The following TENM1 variants were observed in gnomAD, a reference collection of about 807,000 sequenced individuals.
TENM1 encodes teneurin-1.
In TENM1, 35 loss-of-function variants were observed where a neutral mutation model predicts 174.8. The ratio of observed to expected loss-of-function variants is 0.20; its 90% CI spans 0.15 to 0.27. TENM1 has a LOEUF of 0.27. Ranked by LOEUF, TENM1 falls within the 10% of genes least tolerant of loss-of-function variation. TENM1 has a pLI of 1.00. For missense variants in TENM1, 1,633 were observed against 2,130.1 expected (o/e 0.77, Z 4.59); for synonymous variants, 781 against 798.7 (o/e 0.98, Z 0.37).
At chrX:124,787,530 C>T (rs1211948907) in intron 3 of TENM1, among the ~76,000 whole-genome samples, 1 of 111,393 alleles carries the variant, frequency 9.0e-6, no homozygotes, top group African/African-American at 3.3e-5. Flanking sequence ...AATCCACCTC[C>T]ATCAAAAAGA....
chrX:124,685,959 A>T (rs1412603001), intron 5 of TENM1, among the ~76,000 whole-genome samples: 1 of 112,254 alleles, frequency 8.9e-6, no homozygotes, highest in African/African-American at 3.2e-5. Flanking sequence ...AAACTTCCCA[A>T]ATCTGAAGAA....
rs187186356 is a variant in TENM1, at chrX:124,519,253, T to C, written c.3301+1264A>G. On this transcript the variant is annotated intron_variant, in intron 18 of 31. Coordinates refer to ENST00000422452, the Ensembl canonical transcript of TENM1. ...GATGGTATTTCTTGTACTTTCTTAT[T>C]TTTTTGTGTGTCTTTACAATAATTT... Among the ~76,000 whole-genome samples the C allele has an allele frequency of 1.2e-4, 13 of 111,773 alleles. No individual in the cohort carries two copies. The East Asian group carries it at 2.3e-3, about 19-fold the overall frequency.
chrX:124,554,975 A>G (rs760805655), intron 14 of TENM1, among the ~76,000 whole-genome samples: 2 of 112,289 alleles, frequency 1.8e-5, no homozygotes, highest in South Asian at 7.4e-4. Context: ...AAAAGATCAG[A>G]GAAAAAAAGG....
At chrX:124,974,337 A>G in the TENM1 span, among the ~76,000 whole-genome samples, 2 of 111,899 alleles carry the variant, frequency 1.8e-5, no homozygotes, top group African/African-American at 6.5e-5. Flanking sequence ...CATTCAAACC[A>G]TAACAATGGC....
chrX:124,810,504 G>T (rs1262039433), intron 3 of TENM1, among the ~76,000 whole-genome samples: 1 of 111,316 alleles, frequency 9.0e-6, no homozygotes, highest in Non-Finnish European at 1.9e-5. Context: ...GGAGGTGAAA[G>T]ATCTCCACAA....
At chrX:124,711,034 T>C (rs113533867) in intron 4 of TENM1, among the ~76,000 whole-genome samples, 2,410 of 112,101 alleles carry the variant, frequency 0.021, 67 homozygotes, top group African/African-American at 0.075. Context: ...AAAATGTTGC[T>C]ATCAATTTCA....
chrX:124,525,156 A>G (rs779160115), intron 16 of TENM1, among the ~76,000 whole-genome samples: 1 of 112,533 alleles, frequency 8.9e-6, no homozygotes, highest in Admixed American at 9.4e-5. Context: ...ATAAAGATAA[A>G]TGAACAGTAA....
rs182368629 is a variant in TENM1 at position 124,746,789 on chromosome X, C to T, written c.536-9592G>A. On this transcript the variant is annotated intron_variant, in intron 3 of 31. Coordinates refer to ENST00000422452, the Ensembl canonical transcript of TENM1. ...CAGCTCAATTAGGAAATATACTGATCTATTGATATAGATGTGTCTGCTAGT... is the reference window on the plus strand; with the variant it reads ...CAGCTCAATTAGGAAATATACTGATTTATTGATATAGATGTGTCTGCTAGT... Among the ~76,000 whole-genome samples the T allele has an allele frequency of 1.7e-4, 19 of 110,866 alleles. No homozygotes were observed. In the East Asian group the frequency reaches 5.2e-3, roughly 30 times the overall value.
At chrX:124,495,223 T>C (rs1395495394) in intron 20 of TENM1, among the ~76,000 whole-genome samples, 1 of 100,700 alleles carries the variant, frequency 9.9e-6, no homozygotes, top group African/African-American at 3.6e-5. Context: ...TGTGAGATGG[T>C]ATCTCATTGT....
At chrX:125,155,567 G>T in the TENM1 span, among the ~76,000 whole-genome samples, 1 of 111,238 alleles carries the variant, frequency 9.0e-6, no homozygotes, top group East Asian at 2.9e-4. Flanking sequence ...CCACGGAGGC[G>T]GGCGGGGGGA....
exon 17 of TENM1, chrX:124,523,376 A>T: frequency 8.3e-7 from 1 of 1,211,807 alleles, no homozygotes; most frequent in East Asian, 3.0e-5. Flanking sequence ...GCAGCTCAGG[A>T]ACAATAGTTC....
chrX:125,140,279 T>C, the TENM1 span, among the ~76,000 whole-genome samples: 1 of 112,072 alleles, frequency 8.9e-6, no homozygotes, highest in Non-Finnish European at 1.9e-5. Flanking sequence ...AAAATGTCAT[T>C]TGCAGAAACA....
chrX:124,964,048 T>C (rs923595516), upstream of TENM1, among the ~76,000 whole-genome samples: 51 of 112,017 alleles, frequency 4.6e-4, no homozygotes, highest in Admixed American at 4.6e-3. Flanking sequence ...ATACTCAAGG[T>C]AAAAGAGAGA....
chrX:124,539,674 T>A (rs772485585), intron 15 of TENM1, among the ~76,000 whole-genome samples: 1 of 111,604 alleles, frequency 9.0e-6, no homozygotes, highest in East Asian at 2.8e-4. Flanking sequence ...TTTTGGATGA[T>A]TGTTTTTTTT....
At chrX:124,624,942 A>G (rs1351899149) in intron 11 of TENM1, among the ~76,000 whole-genome samples, 1 of 111,982 alleles carries the variant, frequency 8.9e-6, no homozygotes, top group African/African-American at 3.2e-5. Context: ...TCATTTCCTC[A>G]TCTACAAAAT....
chrX:125,180,502 C>A, the TENM1 span, among the ~76,000 whole-genome samples: 1 of 104,615 alleles, frequency 9.6e-6, no homozygotes, highest in Admixed American at 1.0e-4. Flanking sequence ...GAGACCCTAT[C>A]TCTAAAAAAA....
chrX:124,685,494 A>G (rs1242023710), intron 5 of TENM1, among the ~76,000 whole-genome samples: 1 of 111,418 alleles, frequency 9.0e-6, no homozygotes, highest in Non-Finnish European at 1.9e-5. Context: ...ATTACTCAGT[A>G]GGAGGAACGA....
At chrX:124,763,782 T>A in intron 3 of TENM1, among the ~76,000 whole-genome samples, 1 of 111,826 alleles carries the variant, frequency 8.9e-6, no homozygotes, top group East Asian at 2.8e-4. Context: ...AGTTGGAATG[T>A]TCACCCTAGA....
chrX:124,868,984 G>A (rs965778494), intron 3 of TENM1, among the ~76,000 whole-genome samples: 16 of 108,272 alleles, frequency 1.5e-4, no homozygotes, highest in Non-Finnish European at 2.7e-4. Context: ...CAGCACTTTG[G>A]GAGGCCGAGG....
Sources: allele counts gnomAD v4.1 joint callset (sites outside exome capture counted in the v4.1 genomes callset), GRCh38; gene constraint gnomAD v4.1.1; transcripts MANE v1.5; gene names NCBI Gene and HGNC (gene_info 2026-07-23, HGNC 2026-07-21).